SPAG1: variants seen among roughly 807,000 people sequenced by gnomAD.
The protein encoded by SPAG1 is sperm associated antigen 1.
A neutral mutation model predicts 100.5 loss-of-function variants in SPAG1; 69 were observed. The observed-to-expected ratio is 0.69, with a 90% CI of 0.57 to 0.84. SPAG1 has a LOEUF of 0.84. Ranked by LOEUF, SPAG1 falls within the 40% of genes least tolerant of loss-of-function variation. SPAG1 has a pLI of 0.00. For missense variants in SPAG1, 955 were observed against 1,133.1 expected, an observed-to-expected ratio of 0.84 and a Z score of 2.26; for synonymous variants, 336 against 411.6, an observed-to-expected ratio of 0.82 and a Z score of 2.22.
chr8:100,191,489 T>G lies in SPAG1; in HGVS notation c.932T>G (p.Leu311Trp). ...CTAGATGTTGAGCCTGATAATGATT[T>G]GGCCAAGGTAAGTATAGAATGTGAT... The part of the protein sequence containing the change: ...KVLDVEPDND[L>W]AKKTLSEVER... The change falls in exon 9 of 19, where the codon TTG becomes TGG. Residue 311 changes from leucine to tryptophan, a missense_variant. Coordinates refer to ENST00000388798, the MANE Select transcript of SPAG1 (RefSeq NM_003114.5). The G allele has an allele frequency of 6.2e-7, 1 of 1,605,674 alleles. No individual in the cohort carries two copies. The highest frequency in any genetic ancestry group is 1.3e-5 in the African/African-American group (1 of 74,856).
chr8:100,168,040 A>C (rs11775395), intron 3 of SPAG1, among the ~76,000 whole-genome samples: 27,798 of 152,204 alleles, frequency 0.18, 2,716 homozygotes, highest in South Asian at 0.24. Context: ...AATATCCCAC[A>C]GTTTGTTTAC....
rs1312361222 is a variant in SPAG1 at position 100,178,066 on chromosome 8, T to A, written c.426+125T>A. The A allele has an allele frequency of 6.2e-6, 4 of 648,768 alleles. No homozygotes were observed. In the African/African-American group the frequency reaches 7.2e-5, roughly 12 times the overall value. The allele number at this position is 648,768 out of a possible 1,614,324, so 40.2% of individuals were successfully genotyped here. On this transcript the variant is annotated intron_variant, in intron 4 of 18. Coordinates refer to ENST00000388798, the MANE Select transcript of SPAG1 (RefSeq NM_003114.5). ...TCCTCTAGGAGAATTGGGGAGTTTG[T>A]TCAGCTGGCTGGGAACTATCGGCTG...
chr8:100,192,394 T>C (rs1816852531), intron 9 of SPAG1, among the ~76,000 whole-genome samples: 1 of 152,198 alleles, frequency 6.6e-6, no homozygotes, highest in African/African-American at 2.4e-5. Flanking sequence ...CTCTGCTCCA[T>C]AGGGAAGCAT....
chr8:100,193,968 T>C (rs1260645294), intron 9 of SPAG1, 144 bp from the exon 10 acceptor site: 2 of 617,520 alleles, frequency 3.2e-6, no homozygotes, highest in Non-Finnish European at 5.0e-6. Context: ...AGTGGACATC[T>C]ATGATTACAA....
chr8:100,194,810 GA>G (rs1816962531), intron 10 of SPAG1: 3 of 156,740 alleles, frequency 1.9e-5, no homozygotes, highest in Non-Finnish European at 2.8e-5. Context: ...ATAAAACATC[GA>G]AAGTTATGTC....
Position 100,225,260 on chromosome 8 carries a change from G to A in SPAG1, c.1776G>A (p.Leu592=). The A allele has an allele frequency of 6.2e-7, 1 of 1,613,886 alleles. No homozygotes were observed. The highest frequency in any genetic ancestry group is 1.7e-5 in the Admixed American group (1 of 60,008). The stretch of plus-strand genomic sequence containing the variant: ...CTGCTGTGCCTGCTTCTGTGCCACT[G>A]CAAGCTTGGCATCCGGCAAAAGAGA... The part of the protein sequence containing the change: ...PIPAVPASVP[L]QAWHPAKEMI... The change falls in exon 14 of 19, where the codon CTG becomes CTA. Residue 592 remains leucine, a synonymous_variant. Coordinates refer to ENST00000388798, the MANE Select transcript of SPAG1 (RefSeq NM_003114.5).
At chr8:100,221,297 C>T (rs1462835917) in intron 13 of SPAG1, among the ~76,000 whole-genome samples, 3 of 152,050 alleles carry the variant, frequency 2.0e-5, no homozygotes, top group African/African-American at 7.2e-5. Context: ...TGTAAATAGA[C>T]ACTTATCTAG....
chr8:100,161,191 G>T (rs1377584585), intron 1 of SPAG1, among the ~76,000 whole-genome samples: 1 of 151,992 alleles, frequency 6.6e-6, no homozygotes, highest in East Asian at 1.9e-4. Flanking sequence ...AAATCTAAGA[G>T]AAATTAGCTG....
chr8:100,236,086 C>T (rs2132434994), intron 16 of SPAG1, among the ~76,000 whole-genome samples: 1 of 152,204 alleles, frequency 6.6e-6, no homozygotes, highest in South Asian at 2.1e-4. Context: ...AGAAGCTGCA[C>T]CCTAATGAAA....
intron 15 of SPAG1, 163 bp from the exon 16 acceptor site, chr8:100,233,248 A>C: frequency 4.3e-6 from 3 of 700,042 alleles, no homozygotes; most frequent in Non-Finnish European, 7.3e-6. Context: ...TTGCGGTTGT[A>C]TGCCCAGTGC....
intron 10 of SPAG1, among the ~76,000 whole-genome samples, chr8:100,207,037 C>G (rs925017135): frequency 1.3e-5 from 2 of 152,168 alleles, no homozygotes; most frequent in African/African-American, 4.8e-5. Flanking sequence ...GGAGCAAGGC[C>G]CTGCCATCTT....
At chr8:100,202,536 C>T (rs916539177) in intron 10 of SPAG1, among the ~76,000 whole-genome samples, 2 of 149,728 alleles carry the variant, frequency 1.3e-5, no homozygotes, top group African/African-American at 4.9e-5. Context: ...CGGTGAAACC[C>T]CGTCTCTACT....
intron 13 of SPAG1, among the ~76,000 whole-genome samples, chr8:100,224,507 A>C (rs1036944371): frequency 6.6e-6 from 1 of 152,170 alleles, no homozygotes; most frequent in African/African-American, 2.4e-5. Flanking sequence ...GCATCACTGC[A>C]CTCCAGCCTG....
At chr8:100,203,355 C>T (rs1057344884) in intron 10 of SPAG1, among the ~76,000 whole-genome samples, 2 of 152,100 alleles carry the variant, frequency 1.3e-5, no homozygotes, top group African/African-American at 4.8e-5. Context: ...CCTATTAGTT[C>T]TGTCCCTCTA....
chr8:100,176,096 TCAGA>T (rs1265192866), intron 3 of SPAG1, among the ~76,000 whole-genome samples: 1 of 152,220 alleles, frequency 6.6e-6, no homozygotes, highest in Admixed American at 6.5e-5. Flanking sequence ...AAAAACCTGC[TCAGA>T]CAGATATTCT....
At position 100,194,231 on chromosome 8, in the gene SPAG1, A is replaced by AGAC. The variant is rs56246127; in HGVS notation, c.1059_1060insGAC (p.Lys353_Ser354insAsp). On this transcript the variant is annotated inframe_insertion, in exon 10 of 19. Coordinates refer to ENST00000388798, the MANE Select transcript of SPAG1 (RefSeq NM_003114.5). ...AAAACTCCGAAGATGAAGAAGGAAA[A>AGAC]AGCGGAAGAAAACATGAAGATGGCG... The AGAC allele has an allele frequency of 0.2, 315,334 of 1,603,786 alleles. 32,931 individuals carry two copies. The highest frequency in any genetic ancestry group is 0.24 in the South Asian group (21,908 of 90,256).
At chr8:100,200,326 T>A (rs1481157637) in intron 10 of SPAG1, among the ~76,000 whole-genome samples, 1 of 152,232 alleles carries the variant, frequency 6.6e-6, no homozygotes, top group Non-Finnish European at 1.5e-5. Context: ...TGTGCCACAT[T>A]TTCTTAATCC....
intron 12 of SPAG1, among the ~76,000 whole-genome samples, chr8:100,214,645 A>G (rs1227718137): frequency 6.6e-6 from 1 of 152,066 alleles, no homozygotes; most frequent in African/African-American, 2.4e-5. Flanking sequence ...GTACATATTT[A>G]TGGGGTACCG....
intron 3 of SPAG1, among the ~76,000 whole-genome samples, chr8:100,175,845 CCTT>C (rs1367698602): frequency 2.0e-5 from 3 of 152,110 alleles, no homozygotes; most frequent in Admixed American, 6.6e-5. Context: ...CAGAAAAAGG[CCTT>C]CTTGTTGTAC....
Sources: allele counts gnomAD v4.1 joint callset (sites outside exome capture counted in the v4.1 genomes callset), GRCh38; gene constraint gnomAD v4.1.1; transcripts MANE v1.5; gene names NCBI Gene and HGNC (gene_info 2026-07-23, HGNC 2026-07-21).